CFAP61: variants seen among roughly 807,000 people sequenced by gnomAD.
The protein encoded by CFAP61 is cilia and flagella associated protein 61.
In CFAP61, 107 loss-of-function variants were observed where a neutral mutation model predicts 135.6. The ratio of observed to expected loss-of-function variants is 0.79; its 90% CI spans 0.67 to 0.93. The LOEUF is 0.93. Ranked by LOEUF, CFAP61 falls within the 40% of genes least tolerant of loss-of-function variation. The probability of loss-of-function intolerance (pLI) is 0.00; values close to 1 mark genes in which losing one functional copy is unlikely to be tolerated. For synonymous variants in CFAP61, 575 were observed against 578.5 expected, an observed-to-expected ratio of 0.99 and a Z score of 0.09; for missense variants, 1,507 against 1,556.2, an observed-to-expected ratio of 0.97 and a Z score of 0.53.
intron 25 of CFAP61, among the ~76,000 whole-genome samples, chr20:20,340,249 C>T (rs1427602187): frequency 6.6e-6 from 1 of 152,178 alleles, no homozygotes; most frequent in East Asian, 1.9e-4. Flanking sequence ...GAAATAAAAC[C>T]TGGACACTAG....
At chr20:20,101,981 A>G (rs1234549495) in intron 8 of CFAP61, among the ~76,000 whole-genome samples, 1 of 152,190 alleles carries the variant, frequency 6.6e-6, no homozygotes, top group Non-Finnish European at 1.5e-5. Flanking sequence ...GTGGGTGATC[A>G]GTGACCTGCC....
At chr20:20,290,418 T>C (rs1382857184) in intron 24 of CFAP61, 27 bp downstream of exon 24, 1 of 1,405,250 alleles carries the variant, frequency 7.1e-7, no homozygotes, top group Non-Finnish European at 1.0e-6. Context: ...AATTTCATTT[T>C]ACTTTCAAAT....
chr20:20,169,012 T>TA (rs1182530487), intron 12 of CFAP61, among the ~76,000 whole-genome samples: 25 of 152,202 alleles, frequency 1.6e-4, no homozygotes, highest in Non-Finnish European at 3.5e-4. Flanking sequence ...CAAGTGAACT[T>TA]ACCTGTATGA....
chr20:20,169,819 T>C (rs190409535), intron 13 of CFAP61, among the ~76,000 whole-genome samples: 2 of 152,310 alleles, frequency 1.3e-5, no homozygotes, highest in Admixed American at 1.3e-4. Flanking sequence ...CGACAAAGTG[T>C]GTGTCACAAC....
At chr20:20,341,368 G>C (rs977749132) in intron 25 of CFAP61, among the ~76,000 whole-genome samples, 1 of 152,174 alleles carries the variant, frequency 6.6e-6, no homozygotes, top group Non-Finnish European at 1.5e-5. Context: ...CGATGCAACC[G>C]TGCGAACAGC....
chr20:20,305,030 T>A (rs1307545484), intron 25 of CFAP61, among the ~76,000 whole-genome samples: 2 of 152,192 alleles, frequency 1.3e-5, no homozygotes, highest in African/African-American at 2.4e-5. Flanking sequence ...CAGATACTCA[T>A]AAACCTTGAT....
At chr20:20,181,122 A>C (rs2055034540) in intron 13 of CFAP61, among the ~76,000 whole-genome samples, 1 of 151,708 alleles carries the variant, frequency 6.6e-6, no homozygotes, top group African/African-American at 2.4e-5. Flanking sequence ...GTTTGTCTAT[A>C]TAACCAACCT....
intron 25 of CFAP61, among the ~76,000 whole-genome samples, chr20:20,331,171 A>G (rs570566160): frequency 6.6e-6 from 1 of 152,332 alleles, no homozygotes; most frequent in Non-Finnish European, 1.5e-5. Context: ...ATCCTACTGT[A>G]AGGAAGAATT....
At chr20:20,144,718 A>G (rs1387236287) in intron 9 of CFAP61, among the ~76,000 whole-genome samples, 1 of 152,176 alleles carries the variant, frequency 6.6e-6, no homozygotes, top group Non-Finnish European at 1.5e-5. Context: ...AAAGAAAACT[A>G]TACCAAAGCC....
In CFAP61 at chr20:20,191,787, CGT is replaced by C. The variant is rs145207907; in HGVS notation, c.1590+383_1590+384del. Among the ~76,000 whole-genome samples, 108 of 150,986 alleles carry C rather than the reference CGT, an allele frequency of 7.2e-4. 2 individuals carry two copies. The South Asian group carries it at 0.014, about 20-fold the overall frequency. ...CTTCTTTGCACTTTATTACATATATCGTGTGTGTGTGTGTGTCAAATGGAAAT... is the reference window on the plus strand; with the variant it reads ...CTTCTTTGCACTTTATTACATATATCGTGTGTGTGTGTGTCAAATGGAAAT... On this transcript the variant is annotated intron_variant, in intron 15 of 26. Coordinates refer to ENST00000245957, the MANE Select transcript of CFAP61 (RefSeq NM_015585.4).
chr20:20,273,029 G>A (rs2053478295), intron 21 of CFAP61, among the ~76,000 whole-genome samples: 5 of 150,750 alleles, frequency 3.3e-5, no homozygotes, highest in South Asian at 4.2e-4. Flanking sequence ...CTAGAGGTGC[G>A]TGCCATGCTT....
intron 21 of CFAP61, among the ~76,000 whole-genome samples, chr20:20,274,356 A>G (rs2053581859): frequency 6.6e-6 from 1 of 152,228 alleles, no homozygotes; most frequent in Admixed American, 6.5e-5. Flanking sequence ...CACAGAATGG[A>G]GACATTTAAA....
chr20:20,188,645 A>T (rs766757219), intron 14 of CFAP61, among the ~76,000 whole-genome samples: 14 of 152,202 alleles, frequency 9.2e-5, no homozygotes, highest in Non-Finnish European at 1.3e-4. Context: ...GTAAATTAAT[A>T]CTGCTGTCTT....
intron 13 of CFAP61, among the ~76,000 whole-genome samples, chr20:20,173,362 G>T (rs2054370416): frequency 6.6e-6 from 1 of 152,206 alleles, no homozygotes; most frequent in Non-Finnish European, 1.5e-5. Flanking sequence ...CAAACTATCT[G>T]ACAGAGTGGC....
At chr20:20,163,156 G>C (rs1334017928) in intron 10 of CFAP61, among the ~76,000 whole-genome samples, 1 of 152,196 alleles carries the variant, frequency 6.6e-6, no homozygotes, top group Non-Finnish European at 1.5e-5. Context: ...CTTAATAAAT[G>C]TTTGGTGCTA....
chr20:20,164,363 C>T lies in CFAP61; in HGVS notation c.1205+135C>T, dbSNP rs945973699. ...TAATCTCCTGGGGAATTTTTTAAAA[C>T]ACAAATTCCTAAGCCCCATCCAGAG... On this transcript the variant is annotated intron_variant, in intron 11 of 26. Transcript: ENST00000245957. 5.9e-6 allele frequency: 5 copies of T among 846,176 alleles called. No homozygotes were observed. The African/African-American group carries it at 6.8e-5, about 12-fold the overall frequency. 52.4% of individuals were successfully genotyped at this position (846,176 alleles called of 1,614,324 possible).
chr20:20,229,204 T>C (rs941919536), intron 18 of CFAP61, among the ~76,000 whole-genome samples: 2 of 152,188 alleles, frequency 1.3e-5, no homozygotes, highest in Non-Finnish European at 2.9e-5. Flanking sequence ...ATGTGCTCAC[T>C]TGAGCACCTC....
Position 20,075,436 on chromosome 20 carries a change from C to T in CFAP61, c.440-53C>T, listed in dbSNP as rs2045982538. ...GGAAACTACATTTTGTTCTGACATCCCAAATTTATTTCTTGATAAATAAGG... is the reference window on the plus strand; with the variant it reads ...GGAAACTACATTTTGTTCTGACATCTCAAATTTATTTCTTGATAAATAAGG... On this transcript the variant is annotated intron_variant, in intron 5 of 26. Transcript: ENST00000245957. The T allele has an allele frequency of 5.0e-6, 8 of 1,597,124 alleles. No homozygotes were observed. The Admixed American group carries it at 1.3e-4, about 27-fold the overall frequency.
intron 17 of CFAP61, among the ~76,000 whole-genome samples, chr20:20,204,156 C>G (rs1342364752): frequency 6.6e-6 from 1 of 152,214 alleles, no homozygotes; most frequent in Non-Finnish European, 1.5e-5. Context: ...GAACTCACCT[C>G]TCTCTCAGTT....
Sources: gnomAD v4.1 joint callset for allele counts (sites outside exome capture counted in the v4.1 genomes callset) on GRCh38, gnomAD v4.1.1 for gene constraint, MANE v1.5 for transcripts, NCBI Gene and HGNC (gene_info 2026-07-23, HGNC 2026-07-21) for gene names.